KMT5B: variants seen among roughly 807,000 people sequenced by gnomAD.
KMT5B encodes histone-lysine N-methyltransferase KMT5B.
Under a neutral mutation model 83.2 loss-of-function variants are expected in KMT5B, and 10 were observed. That is an observed-to-expected ratio of 0.12 (90% CI 0.07 to 0.20). KMT5B has a LOEUF of 0.20. KMT5B is among the 10% of genes least tolerant of loss of function. KMT5B has a pLI of 1.00. For synonymous variants in KMT5B, 349 were observed against 388.8 expected (o/e 0.90, Z 1.20); for missense variants, 753 against 1,067.2 (o/e 0.71, Z 4.10).
intron 1 of KMT5B, 63 bp downstream of exon 1, chr11:68,213,075 C>G (rs1299885830): frequency 1.5e-5 from 2 of 136,922 alleles, no homozygotes; most frequent in Admixed American, 7.1e-5. Context: ...CGTCCCTGCC[C>G]GCCCCGTCAC....
chr11:68,189,768 C>G (rs1021352451), intron 2 of KMT5B, 149 bp downstream of exon 2: 1 of 649,132 alleles, frequency 1.5e-6, no homozygotes, highest in African/African-American at 1.9e-5. Flanking sequence ...AAAATTGACA[C>G]AACTTTGAGA....
rs1186001913 is a variant in KMT5B, at chr11:68,155,288, G to A, written c.*2400C>T. On this transcript the variant is annotated 3_prime_UTR_variant, in exon 11 of 11. Transcript: ENST00000304363. ...TTCCGAGGCCCCTACCTTTACCAAC[G>A]GAAATTAGGTTTCCCTAGAAGGCAT... 2 of 152,156 alleles carry A rather than the reference G, an allele frequency of 1.3e-5. No individual in the cohort carries two copies. The highest frequency in any genetic ancestry group is 2.4e-5 in the African/African-American group (1 of 41,436). The allele number at this position is 152,156 out of a possible 1,614,324, so 9.4% of individuals were successfully genotyped here. A position where few individuals can be genotyped will look rare whatever the true frequency, so the allele number is the denominator to read the frequency against.
intron 1 of KMT5B, among the ~76,000 whole-genome samples, chr11:68,202,021 T>C (rs576443158): frequency 1.3e-4 from 20 of 152,062 alleles, no homozygotes; most frequent in Non-Finnish European, 2.5e-4. Flanking sequence ...TCCAGGAGAT[T>C]GCACCACTGC....
intron 5 of KMT5B, chr11:68,174,223 T>A (rs1408127021): frequency 2.3e-6 from 1 of 433,484 alleles, no homozygotes; most frequent in Admixed American, 3.3e-5. Context: ...AAAAAAACAA[T>A]AAAATAAACA....
chr11:68,212,043 T>C (rs11228163), intron 1 of KMT5B, among the ~76,000 whole-genome samples: 18,700 of 152,244 alleles, frequency 0.12, 1,317 homozygotes, highest in East Asian at 0.23. Context: ...TCTGTAATTA[T>C]TTCAGGTAAA....
At chr11:68,164,951 T>A (rs1291658980) in intron 10 of KMT5B, among the ~76,000 whole-genome samples, 1 of 152,194 alleles carries the variant, frequency 6.6e-6, no homozygotes, top group East Asian at 1.9e-4. Flanking sequence ...AGTATTTAGT[T>A]TGTTAATATA....
intron 1 of KMT5B, among the ~76,000 whole-genome samples, chr11:68,191,393 G>A (rs1858045887): frequency 6.6e-6 from 1 of 152,048 alleles, no homozygotes; most frequent in Non-Finnish European, 1.5e-5. Flanking sequence ...GAGTGCAGTG[G>A]TGCCATCTCT....
chr11:68,170,152 A>AAT (rs1855706963), intron 9 of KMT5B, among the ~76,000 whole-genome samples: 1 of 152,136 alleles, frequency 6.6e-6, no homozygotes, highest in African/African-American at 2.4e-5. Flanking sequence ...GACACTAATA[A>AAT]CTCTGATCAT....
chr11:68,208,724 T>C (rs1043386717), intron 1 of KMT5B, among the ~76,000 whole-genome samples: 2 of 151,710 alleles, frequency 1.3e-5, no homozygotes, highest in Non-Finnish European at 2.9e-5. Context: ...TGGCAGCTCA[T>C]CCTATAATCC....
At chr11:68,189,375 C>T (rs527624895) in intron 2 of KMT5B, among the ~76,000 whole-genome samples, 1 of 152,188 alleles carries the variant, frequency 6.6e-6, no homozygotes, top group Non-Finnish European at 1.5e-5. Context: ...AATAAAGTAA[C>T]TTATCAGCAG....
In KMT5B at chr11:68,159,147, C is replaced by T; in HGVS notation, c.1199G>A (p.Gly400Asp). 6.4e-7 allele frequency: 1 copy of T among 1,573,642 alleles called. No individual in the cohort carries two copies. Among genetic ancestry groups the T allele is most frequent in the Non-Finnish European group, 8.6e-7 (1 of 1,167,328 alleles). ...NATSNRKSSV[G>D]VKKNSKSRTL... is the part of the protein sequence containing the mutation. Reference sequence around the variant, plus strand: ...TCTGCTCTTGCTATTCTTTTTTACGCCAACTGAAGATTTTCGGTTAGAAGC... The same window carrying T: ...TCTGCTCTTGCTATTCTTTTTTACGTCAACTGAAGATTTTCGGTTAGAAGC... Residue 400 changes from glycine to aspartate, a missense_variant, in exon 11 of 11, where the codon GGC (glycine) becomes GAC (aspartate). By Grantham distance (94) the Gly-to-Asp change is moderately conservative (BLOSUM62 -1). This residue lies in a region of KMT5B where 397 missense variants were observed against 395.9 expected (regional missense o/e 1.00). Transcript: ENST00000304363.
At chr11:68,169,039 T>C (rs1019911353) in intron 9 of KMT5B, among the ~76,000 whole-genome samples, 1 of 152,258 alleles carries the variant, frequency 6.6e-6, no homozygotes, top group Non-Finnish European at 1.5e-5. Context: ...CAAGAATATA[T>C]GCAGCCAATC....
At chr11:68,202,273 A>G (rs1419603387) in intron 1 of KMT5B, among the ~76,000 whole-genome samples, 2 of 152,200 alleles carry the variant, frequency 1.3e-5, no homozygotes, top group Non-Finnish European at 2.9e-5. Flanking sequence ...ACTTTTCAAA[A>G]TAAACATCTG....
chr11:68,159,214 C>A (rs748079723), intron 10 of KMT5B, 43 bp from the exon 11 acceptor site: 1 of 1,509,802 alleles, frequency 6.6e-7, no homozygotes, highest in East Asian at 2.3e-5. Context: ...TTGGTAACAG[C>A]AGAGTTCAAG....
intron 1 of KMT5B, among the ~76,000 whole-genome samples, chr11:68,191,218 G>A (rs1318077652): frequency 1.5e-5 from 2 of 129,648 alleles, no homozygotes; most frequent in African/African-American, 6.0e-5. Flanking sequence ...TAGAGACGAG[G>A]TCTCACTATG....
At chr11:68,188,656 G>A (rs1857698466) in intron 2 of KMT5B, among the ~76,000 whole-genome samples, 1 of 152,144 alleles carries the variant, frequency 6.6e-6, no homozygotes, top group Non-Finnish European at 1.5e-5. Flanking sequence ...ACCACGCCCA[G>A]ACGCATTTTC....
At chr11:68,174,508 C>T in intron 5 of KMT5B, among the ~76,000 whole-genome samples, 1 of 152,020 alleles carries the variant, frequency 6.6e-6, no homozygotes, top group East Asian at 1.9e-4. Context: ...TGAATTTCAC[C>T]TCTATATGAC....
At chr11:68,164,516 G>GT (rs1855138552) in intron 10 of KMT5B, among the ~76,000 whole-genome samples, 1 of 152,200 alleles carries the variant, frequency 6.6e-6, no homozygotes, top group Admixed American at 6.5e-5. Flanking sequence ...GAGAACGCAT[G>GT]TAAGAACTCA....
In KMT5B at chr11:68,158,565, G is replaced by A. The variant is rs750243156; in HGVS notation, c.1781C>T (p.Thr594Ile). The change falls in exon 11 of 11, where the codon ACT (threonine) becomes ATT (isoleucine). Residue 594 changes from threonine (T) to isoleucine (I), a missense_variant. This residue lies in a region of KMT5B where 397 missense variants were observed against 395.9 expected (regional missense o/e 1.00). Coordinates refer to ENST00000304363, the MANE Select transcript of KMT5B (RefSeq NM_017635.5). ...VLQEEELAHE[T>I]AQKGEAKCHK... ...ACACTTTGCCTCCCCTTTTTGTGCA[G>A]TCTCATGAGCCAGTTCTTCCTCCTG... is the stretch of plus-strand genomic sequence containing the variant. The A allele has an allele frequency of 1.2e-6, 2 of 1,614,176 alleles. No homozygotes were observed. Among genetic ancestry groups the A allele is most frequent in the Admixed American group, 1.7e-5 (1 of 60,020 alleles).
Sources: allele counts gnomAD v4.1 joint callset (sites outside exome capture counted in the v4.1 genomes callset), GRCh38; gene constraint gnomAD v4.1.1; regional missense constraint gnomAD v4.1.1; transcripts MANE v1.5; gene names NCBI Gene and HGNC (gene_info 2026-07-23, HGNC 2026-07-21).